NAV2: variants seen among roughly 807,000 people sequenced by gnomAD.
The protein encoded by NAV2 is helicase, APC down-regulated 1.
NAV2 carries 54 observed loss-of-function variants against 223.2 expected under a neutral mutation model. The observed-to-expected ratio is 0.24, with a 90% CI of 0.19 to 0.30. NAV2 has a LOEUF of 0.30. Ranked by LOEUF, NAV2 falls within the 10% of genes least tolerant of loss-of-function variation. The pLI, the probability that NAV2 is intolerant of heterozygous loss-of-function variation, is 1.00. For missense variants in NAV2, 2,806 were observed against 3,147.5 expected (o/e 0.89, Z 2.60); for synonymous variants, 1,279 against 1,239.3 (o/e 1.03, Z -0.67).
At chr11:19,462,446 A>G (rs116809360) in intron 1 of NAV2, among the ~76,000 whole-genome samples, 202 of 152,354 alleles carry the variant, frequency 1.3e-3, no homozygotes, top group African/African-American at 4.8e-3. Context: ...ATTAAGAGCT[A>G]GGATTCAGAC....
At chr11:19,613,170 T>A (rs912214202) in intron 1 of NAV2, among the ~76,000 whole-genome samples, 7 of 152,070 alleles carry the variant, frequency 4.6e-5, no homozygotes, top group Non-Finnish European at 8.8e-5. Flanking sequence ...CGTGGGTCTC[T>A]CCCACAACAC....
intron 1 of NAV2, among the ~76,000 whole-genome samples, chr11:19,735,015 G>C (rs906539697): frequency 6.6e-6 from 1 of 152,188 alleles, no homozygotes; most frequent in African/African-American, 2.4e-5. Flanking sequence ...CCTTAAACAA[G>C]TCATTTCATT....
At chr11:19,937,389 G>A (rs2046003540) in intron 7 of NAV2, among the ~76,000 whole-genome samples, 1 of 142,328 alleles carries the variant, frequency 7.0e-6, no homozygotes, top group Non-Finnish European at 1.5e-5. Flanking sequence ...TGTTAAAGTT[G>A]TTACCAAGGA....
intron 11 of NAV2, among the ~76,000 whole-genome samples, chr11:20,003,958 A>C (rs1355089715): frequency 3.3e-5 from 5 of 152,224 alleles, no homozygotes; most frequent in Non-Finnish European, 5.9e-5. Context: ...TTACTGCTAG[A>C]AAGTATGGAA....
At chr11:19,925,067 T>C (rs1335451874) in intron 6 of NAV2, among the ~76,000 whole-genome samples, 1 of 152,256 alleles carries the variant, frequency 6.6e-6, no homozygotes, top group Non-Finnish European at 1.5e-5. Context: ...TCCATATTTT[T>C]ATTGGCCATT....
intron 10 of NAV2, among the ~76,000 whole-genome samples, chr11:19,949,893 T>C (rs2018644): frequency 0.92 from 140,702 of 152,208 alleles, 65,136 homozygotes; most frequent in East Asian, 0.98. Context: ...AATGAACAAA[T>C]CCAGCCTCCC....
intron 1 of NAV2, among the ~76,000 whole-genome samples, chr11:19,415,403 G>A (rs10741771): frequency 0.87 from 131,977 of 152,188 alleles, 57,889 homozygotes; most frequent in East Asian, 0.94. Context: ...GGAAGAAGTC[G>A]AATCCCTGAA....
intron 1 of NAV2, among the ~76,000 whole-genome samples, chr11:19,478,233 G>C (rs1162183570): frequency 6.6e-6 from 1 of 152,116 alleles, no homozygotes; most frequent in Non-Finnish European, 1.5e-5. Flanking sequence ...TTCAAATATG[G>C]GCAGCAGAAG....
At chr11:20,023,946 A>G (rs1347572181) in intron 11 of NAV2, among the ~76,000 whole-genome samples, 3 of 152,206 alleles carry the variant, frequency 2.0e-5, no homozygotes, top group Non-Finnish European at 4.4e-5. Context: ...GGGAGATTAC[A>G]TTCAATTTTG....
intron 1 of NAV2, among the ~76,000 whole-genome samples, chr11:19,786,731 C>T (rs1035044875): frequency 2.0e-5 from 3 of 152,076 alleles, no homozygotes; most frequent in African/African-American, 7.2e-5. Context: ...GGGAGGAGTT[C>T]CCTTTCTTCC....
chr11:19,998,552 G>GT lies in NAV2; in HGVS notation c.2768+14305_2768+14306insT, dbSNP rs2153479297. 6.6e-6 allele frequency among the ~76,000 whole-genome samples: 1 copy of GT among 152,138 alleles called. No homozygotes were observed. Among genetic ancestry groups the GT allele is most frequent in the South Asian group, 2.1e-4 (1 of 4,820 alleles). ...GACTCCTTGCCGTGGCCTCCAAGGG[G>GT]GTGTGTGTTCTGGCCCCTGCGCACC... On this transcript the variant is annotated intron_variant, in intron 11 of 37. Transcript: ENST00000349880. The surrounding 1 kb of genome is among the most constrained non-coding windows in gnomAD (Gnocchi z 5.0).
chr11:19,713,506 C>T lies in NAV2; in HGVS notation c.-190C>T. 3 of 1,381,790 alleles carry T rather than the reference C, an allele frequency of 2.2e-6. No homozygotes were observed. Among genetic ancestry groups the T allele is most frequent in the Non-Finnish European group, 2.8e-6 (3 of 1,073,586 alleles). The allele number at this position is 1,381,790 out of a possible 1,614,324, so 85.6% of individuals were successfully genotyped here. ...CGTGGCCAGTCCCCCATTCCCATCCCGGCACCCCAAAGGCGCGCTCGCCCG... is the reference window on the plus strand; with the variant it reads ...CGTGGCCAGTCCCCCATTCCCATCCTGGCACCCCAAAGGCGCGCTCGCCCG... On this transcript the variant is annotated 5_prime_UTR_variant, in exon 1 of 38. Coordinates refer to ENST00000349880, the MANE Select transcript of NAV2 (RefSeq NM_145117.5). The surrounding 1 kb of genome is among the most constrained non-coding windows in gnomAD (Gnocchi z 7.2).
At chr11:19,947,255 T>G (rs928974623) in intron 9 of NAV2, among the ~76,000 whole-genome samples, 5 of 152,214 alleles carry the variant, frequency 3.3e-5, no homozygotes, top group African/African-American at 9.6e-5. Context: ...TTAACCACTG[T>G]GGGTTCCATC....
chr11:20,056,592 T>C (rs557341836), intron 19 of NAV2: 1 of 1,614,010 alleles, frequency 6.2e-7, no homozygotes, highest in East Asian at 2.2e-5. Context: ...ACTTCATTTC[T>C]CTCTTCCTTT....
At chr11:19,984,322 T>C (rs905035754) in intron 11 of NAV2, 75 bp downstream of exon 11, 1 of 1,602,134 alleles carries the variant, frequency 6.2e-7, no homozygotes, top group African/African-American at 1.3e-5. Context: ...AGGGTTATGA[T>C]ATTGGGAGAG....
intron 1 of NAV2, among the ~76,000 whole-genome samples, chr11:19,826,105 A>G (rs1333552533): frequency 6.6e-6 from 1 of 152,154 alleles, no homozygotes; most frequent in African/African-American, 2.4e-5. Context: ...AAAGGATCCT[A>G]GAGACTTTCT....
intron 11 of NAV2, among the ~76,000 whole-genome samples, chr11:19,984,506 G>C (rs2050589969): frequency 6.6e-6 from 1 of 152,138 alleles, no homozygotes; most frequent in African/African-American, 2.4e-5. Flanking sequence ...GGTGGTTTTG[G>C]TTATTGTTTT....
At chr11:19,836,203 T>G (rs940195299) in intron 2 of NAV2, among the ~76,000 whole-genome samples, 1 of 152,216 alleles carries the variant, frequency 6.6e-6, no homozygotes, top group African/African-American at 2.4e-5. Context: ...ATGTCACACC[T>G]TTCTACTTTC....
At chr11:20,048,187 A>G (rs902396836) in intron 14 of NAV2, among the ~76,000 whole-genome samples, 5 of 152,150 alleles carry the variant, frequency 3.3e-5, no homozygotes, top group African/African-American at 1.2e-4. Context: ...TGCGTTTTCT[A>G]TTGTGGATAA....
Sources: gnomAD v4.1 joint callset for allele counts (sites outside exome capture counted in the v4.1 genomes callset) on GRCh38, gnomAD v4.1.1 for gene constraint, Gnocchi (gnomAD v3.1) non-coding constraint, MANE v1.5 for transcripts, NCBI Gene and HGNC (gene_info 2026-07-23, HGNC 2026-07-21) for gene names.